ZZZ3: variants seen among roughly 807,000 people sequenced by gnomAD.
The protein encoded by ZZZ3 is ZZ-type zinc finger-containing protein 3.
Under a neutral mutation model 95.2 loss-of-function variants are expected in ZZZ3, and 22 were observed. The observed-to-expected ratio is 0.23, with a 90% CI of 0.17 to 0.33. The LOEUF is 0.33. Ranked by LOEUF, ZZZ3 falls within the 10% of genes least tolerant of loss-of-function variation. The pLI is 1.00. For missense variants in ZZZ3, 885 were observed against 1,066.5 expected (o/e 0.83, Z 2.37); for synonymous variants, 335 against 358.9 (o/e 0.93, Z 0.75).
intron 5 of ZZZ3, among the ~76,000 whole-genome samples, chr1:77,629,055 C>T (rs966479197): frequency 2.0e-5 from 3 of 152,100 alleles, no homozygotes; most frequent in African/African-American, 7.2e-5. Flanking sequence ...TTACTTGAGA[C>T]TTGAAAGCAC....
chr1:77,642,441 C>T (rs150048063), intron 1 of ZZZ3, among the ~76,000 whole-genome samples: 7 of 152,180 alleles, frequency 4.6e-5, no homozygotes, highest in African/African-American at 9.6e-5. Context: ...TACAAATCTA[C>T]GTGGAAAATA....
intron 5 of ZZZ3, among the ~76,000 whole-genome samples, chr1:77,613,806 G>A (rs1445104327): frequency 6.6e-6 from 1 of 151,944 alleles, no homozygotes; most frequent in Non-Finnish European, 1.5e-5. Flanking sequence ...TTTCCCCTAT[G>A]TCGAATATAT....
chr1:77,580,609 AAT>A (rs1381859683), intron 9 of ZZZ3: 1 of 156,446 alleles, frequency 6.4e-6, no homozygotes, highest in African/African-American at 2.4e-5. Context: ...CACATACAAC[AAT>A]ATACACCTGA....
chr1:77,615,370 T>C (rs548129105), intron 5 of ZZZ3, among the ~76,000 whole-genome samples: 1 of 152,360 alleles, frequency 6.6e-6, no homozygotes, highest in African/African-American at 2.4e-5. Context: ...TGACAACGGT[T>C]AAAATCAACA....
At chr1:77,650,157 A>C (rs1669673335) in intron 1 of ZZZ3, among the ~76,000 whole-genome samples, 1 of 152,220 alleles carries the variant, frequency 6.6e-6, no homozygotes. Flanking sequence ...CTAACAAAAG[A>C]AACAAAATGA....
chr1:77,601,433 T>C (rs1251289898), intron 5 of ZZZ3, among the ~76,000 whole-genome samples: 2 of 152,036 alleles, frequency 1.3e-5, no homozygotes, highest in East Asian at 1.9e-4. Context: ...GAAATTGCGA[T>C]GGGAAGAAAG....
chr1:77,636,614 C>G (rs1371519839), intron 4 of ZZZ3, among the ~76,000 whole-genome samples: 2 of 145,006 alleles, frequency 1.4e-5, no homozygotes, highest in Non-Finnish European at 3.0e-5. Context: ...ACTAGGGAGG[C>G]TGAGTGGGAG....
chr1:77,673,151 A>G (rs1463448900), intron 1 of ZZZ3, among the ~76,000 whole-genome samples: 1 of 152,238 alleles, frequency 6.6e-6, no homozygotes, highest in Non-Finnish European at 1.5e-5. Flanking sequence ...AAGGAAATTA[A>G]GCATATCATC....
chr1:77,601,049 C>A (rs972399007), intron 5 of ZZZ3, among the ~76,000 whole-genome samples: 2 of 152,056 alleles, frequency 1.3e-5, no homozygotes, highest in South Asian at 4.1e-4. Flanking sequence ...TAGAGAAAGA[C>A]CAATTAAGGA....
rs150849566 is a variant in ZZZ3 at position 77,624,575 on chromosome 1, A to C, written c.1505+7275T>G. Reference sequence around the variant, plus strand: ...CTGACCCAAACTCCACAGGAAAAAAAGCTTCTGTGCCTGGGACCCTTCCAG... The same window carrying C: ...CTGACCCAAACTCCACAGGAAAAAACGCTTCTGTGCCTGGGACCCTTCCAG... On this transcript the variant is annotated intron_variant, in intron 5 of 14. Transcript: ENST00000370801. Among the ~76,000 whole-genome samples, 221 of 152,274 alleles carry C rather than the reference A, an allele frequency of 1.5e-3. 2 individuals are homozygous for C. Among genetic ancestry groups the C allele is most frequent in the African/African-American group, 5.1e-3 (211 of 41,566 alleles).
chr1:77,665,831 TCA>T, intron 1 of ZZZ3, among the ~76,000 whole-genome samples: 1 of 151,928 alleles, frequency 6.6e-6, no homozygotes, highest in Non-Finnish European at 1.5e-5. Context: ...TCACCTGACG[TCA>T]GAGTTCAAGA....
In ZZZ3 at chr1:77,566,191, A is replaced by G. The variant is rs778706299; in HGVS notation, c.2467-10T>C. The G allele has an allele frequency of 1.1e-5, 17 of 1,581,972 alleles. No individual in the cohort carries two copies. The highest frequency in any genetic ancestry group is 1.5e-5 in the Non-Finnish European group (17 of 1,157,862). On this transcript the variant is annotated splice_polypyrimidine_tract_variant and intron_variant, in intron 13 of 14. Transcript: ENST00000370801. ...TGCCACAGTTATCACACTATAACAG[A>G]TTCAGAGAGAAAATGTATTAAGTTA...
chr1:77,601,165 A>T (rs1241282453), intron 5 of ZZZ3, among the ~76,000 whole-genome samples: 1 of 152,184 alleles, frequency 6.6e-6, no homozygotes, highest in African/African-American at 2.4e-5. Context: ...TAGGCCCTAT[A>T]GAACTTGGTG....
intron 1 of ZZZ3, among the ~76,000 whole-genome samples, chr1:77,651,105 T>G (rs2100964531): frequency 6.6e-6 from 1 of 152,312 alleles, no homozygotes; most frequent in South Asian, 2.1e-4. Flanking sequence ...ATGTTCTTGC[T>G]GAGCATGGTG....
chr1:77,642,025 A>T (rs1376607499), intron 1 of ZZZ3, among the ~76,000 whole-genome samples: 1 of 152,194 alleles, frequency 6.6e-6, no homozygotes, highest in Non-Finnish European at 1.5e-5. Context: ...TGTGTTTTAT[A>T]TTTTAGGGAA....
intron 1 of ZZZ3, among the ~76,000 whole-genome samples, chr1:77,651,923 G>A (rs1669848136): frequency 6.6e-6 from 1 of 151,688 alleles, no homozygotes; most frequent in Non-Finnish European, 1.5e-5. Context: ...GGCTGAGGCA[G>A]GAGAATCACT....
chr1:77,601,351 C>T (rs188382857), intron 5 of ZZZ3, among the ~76,000 whole-genome samples: 2 of 151,946 alleles, frequency 1.3e-5, no homozygotes, highest in Admixed American at 6.6e-5. Context: ...GAGGGTCAAA[C>T]CTAGATTTCA....
At chr1:77,670,304 G>A (rs535362431) in intron 1 of ZZZ3, among the ~76,000 whole-genome samples, 1 of 151,246 alleles carries the variant, frequency 6.6e-6, no homozygotes, top group Non-Finnish European at 1.5e-5. Context: ...CTGTCACCCA[G>A]GCTGGAGTGC....
intron 3 of ZZZ3, 123 bp from the exon 4 acceptor site, chr1:77,639,725 T>C (rs1468669452): frequency 3.2e-6 from 1 of 315,366 alleles, no homozygotes; most frequent in African/African-American, 2.1e-5. Context: ...ACATCTTTCA[T>C]GCTTCTCGGT....
Sources: gnomAD v4.1 joint callset for allele counts (sites outside exome capture counted in the v4.1 genomes callset) on GRCh38, gnomAD v4.1.1 for gene constraint, MANE v1.5 for transcripts, NCBI Gene and HGNC (gene_info 2026-07-23, HGNC 2026-07-21) for gene names.